NT5DC1: variants seen among roughly 807,000 people sequenced by gnomAD.
NT5DC1 encodes the protein 5'-nucleotidase domain-containing protein 1.
In NT5DC1, 42 loss-of-function variants were observed where a neutral mutation model predicts 59.4. That is an observed-to-expected ratio of 0.71 (90% confidence interval 0.55 to 0.92). The LOEUF is 0.92. Among genes scored for constraint, NT5DC1 ranks in the 40% least tolerant of loss-of-function variants. The probability of loss-of-function intolerance (pLI) is 0.00; values close to 1 mark genes in which losing one functional copy is unlikely to be tolerated. For missense variants in NT5DC1, 501 were observed against 537.1 expected, an observed-to-expected ratio of 0.93 and a Z score of 0.66; for synonymous variants, 172 against 188.1, an observed-to-expected ratio of 0.91 and a Z score of 0.70.
At chr6:116,106,650 T>C (rs1167044011) in intron 2 of NT5DC1, among the ~76,000 whole-genome samples, 2 of 152,240 alleles carry the variant, frequency 1.3e-5, no homozygotes, top group African/African-American at 2.4e-5. Flanking sequence ...TTCTAAAATT[T>C]GCATCTTTAA....
At position 116,221,215 on chromosome 6, in the gene NT5DC1, G is replaced by A. The variant is rs745988827; in HGVS notation, c.691G>A (p.Glu231Lys). 1.3e-5 allele frequency: 21 copies of A among 1,588,518 alleles called. No homozygotes were observed. In the African/African-American group the frequency reaches 1.9e-4, roughly 14 times the overall value. The change falls in exon 7 of 12, where the codon GAA becomes AAA. Residue 231 changes from glutamate (E) to lysine (K), a missense_variant. Glu to Lys is a moderately conservative substitution (Grantham distance 56). Transcript: ENST00000319550. Reference sequence around the variant, plus strand: ...CAGTGATTACTGTAGACTTCTCTGCGAATATATTCTTGGGTGAGTGATGAG... The same window carrying A: ...CAGTGATTACTGTAGACTTCTCTGCAAATATATTCTTGGGTGAGTGATGAG... ...SHSDYCRLLC[E>K]YILGNDFTDL...
At chr6:116,107,862 G>A (rs1778796719) in intron 2 of NT5DC1, among the ~76,000 whole-genome samples, 1 of 152,078 alleles carries the variant, frequency 6.6e-6, no homozygotes, top group African/African-American at 2.4e-5. Context: ...ATGAGCCACC[G>A]CGCCTGGCCA....
At chr6:116,178,064 T>C (rs1030439517) in intron 6 of NT5DC1, among the ~76,000 whole-genome samples, 10 of 107,436 alleles carry the variant, frequency 9.3e-5, no homozygotes, top group African/African-American at 4.4e-4. Context: ...TGTGTGTGTG[T>C]GTGTGTGTGT....
rs759211032 is a variant in NT5DC1 at position 116,120,849 on chromosome 6, G to T, written c.529+2904G>T. ...CCCTTTGCTCCTGCTGGGCCCACAGGGCCTGGGAGACCAGGAGGTCCTCCA... is the reference window on the plus strand; with the variant it reads ...CCCTTTGCTCCTGCTGGGCCCACAGTGCCTGGGAGACCAGGAGGTCCTCCA... On this transcript the variant is annotated intron_variant, in intron 6 of 11. Coordinates refer to ENST00000319550, the MANE Select transcript of NT5DC1 (RefSeq NM_152729.3). 5.6e-6 allele frequency: 9 copies of T among 1,614,004 alleles called. No individual in the cohort carries two copies. Among genetic ancestry groups the T allele is most frequent in the Non-Finnish European group, 7.6e-6 (9 of 1,179,956 alleles).
At chr6:116,122,048 G>A (rs1353244588) in intron 6 of NT5DC1, 52 of 1,125,674 alleles carry the variant, frequency 4.6e-5, no homozygotes, top group Non-Finnish European at 4.5e-5. Flanking sequence ...CTATGAATTG[G>A]GACACGATAT....
At chr6:116,239,379 C>T (rs1379734228) in intron 11 of NT5DC1, among the ~76,000 whole-genome samples, 1 of 151,984 alleles carries the variant, frequency 6.6e-6, no homozygotes, top group African/African-American at 2.4e-5. Context: ...GGACAAGCTG[C>T]TGAGGAGGCC....
At chr6:116,175,064 G>C (rs907576093) in intron 6 of NT5DC1, among the ~76,000 whole-genome samples, 2 of 151,898 alleles carry the variant, frequency 1.3e-5, no homozygotes, top group Non-Finnish European at 2.9e-5. Context: ...AAGGAATTAG[G>C]CTTATTAACT....
At chr6:116,188,046 G>A (rs537595781) in intron 6 of NT5DC1, among the ~76,000 whole-genome samples, 5 of 151,958 alleles carry the variant, frequency 3.3e-5, no homozygotes, top group African/African-American at 7.2e-5. Flanking sequence ...GTCTTGACAG[G>A]CAGTTTACAA....
At chr6:116,241,936 AAAC>A (rs1562178957) in intron 11 of NT5DC1, among the ~76,000 whole-genome samples, 2 of 18,804 alleles carry the variant, frequency 1.1e-4, no homozygotes, top group East Asian at 0.014. Context: ...AAAAAAAAAA[AAAC>A]AAAACAAAAA....
At position 116,248,900 on chromosome 6, in the gene NT5DC1, AAACAG is replaced by A. The variant is rs1380477905; in HGVS notation, c.*4884_*4888del. 2.0e-5 allele frequency: 3 copies of A among 152,286 alleles called. No homozygotes were observed. The highest frequency in any genetic ancestry group is 7.2e-5 in the African/African-American group (3 of 41,478). 9.4% of individuals were successfully genotyped at this position (152,286 alleles called of 1,614,324 possible). A position where few individuals can be genotyped will look rare whatever the true frequency, so the allele number is the denominator to read the frequency against. ...ATTTAATGACTAATTTTATTAGGCT[AAACAG>A]AACAGAAACCATGCTAATCTGTAAC... On this transcript the variant is annotated 3_prime_UTR_variant, in exon 12 of 12. Transcript: ENST00000319550.
intron 6 of NT5DC1, among the ~76,000 whole-genome samples, chr6:116,140,352 G>A (rs1779736224): frequency 6.6e-6 from 1 of 151,882 alleles, no homozygotes; most frequent in African/African-American, 2.4e-5. Context: ...TGCTCTTCTG[G>A]GCACATCACA....
chr6:116,189,654 T>A (rs1226835725), intron 6 of NT5DC1, among the ~76,000 whole-genome samples: 1 of 151,948 alleles, frequency 6.6e-6, no homozygotes, highest in Non-Finnish European at 1.5e-5. Flanking sequence ...TTTCTATTTT[T>A]AAAAGGCCCT....
chr6:116,108,120 A>G (rs1282557562), intron 2 of NT5DC1, among the ~76,000 whole-genome samples: 1 of 152,224 alleles, frequency 6.6e-6, no homozygotes, highest in Non-Finnish European at 1.5e-5. Context: ...TGAAAAGCCT[A>G]AAGATTTTAC....
At chr6:116,132,742 A>G (rs1779501643) in intron 6 of NT5DC1, among the ~76,000 whole-genome samples, 1 of 152,164 alleles carries the variant, frequency 6.6e-6, no homozygotes, top group East Asian at 1.9e-4. Flanking sequence ...CTGTTCTGGC[A>G]GGATACTGAC....
At chr6:116,204,589 A>G (rs75808522) in intron 6 of NT5DC1, among the ~76,000 whole-genome samples, 5,881 of 152,090 alleles carry the variant, frequency 0.039, 155 homozygotes, top group South Asian at 0.073. Context: ...AAACGCAGAT[A>G]TGCAATGAGC....
At chr6:116,101,872 T>C (rs564729521) in intron 1 of NT5DC1, among the ~76,000 whole-genome samples, 28 of 152,320 alleles carry the variant, frequency 1.8e-4, no homozygotes, top group African/African-American at 6.0e-4. Context: ...GAAAAAGAGC[T>C]GGTTATGAGT....
intron 6 of NT5DC1, among the ~76,000 whole-genome samples, chr6:116,186,682 A>G (rs1435212891): frequency 6.6e-6 from 1 of 152,032 alleles, no homozygotes; most frequent in Non-Finnish European, 1.5e-5. Context: ...GCGAGTTTCC[A>G]GTGCATTTTG....
At chr6:116,229,739 T>C (rs971453293) in intron 8 of NT5DC1, among the ~76,000 whole-genome samples, 1 of 152,156 alleles carries the variant, frequency 6.6e-6, no homozygotes, top group African/African-American at 2.4e-5. Flanking sequence ...GCTAGCTCAG[T>C]TCCTGCCCCT....
At chr6:116,210,353 TA>T (rs914331237) in intron 6 of NT5DC1, among the ~76,000 whole-genome samples, 19 of 149,374 alleles carry the variant, frequency 1.3e-4, no homozygotes, top group African/African-American at 4.1e-4. Flanking sequence ...TGAAATGTAA[TA>T]ATGTACCATG....
Sources: gnomAD v4.1 joint callset for allele counts (sites outside exome capture counted in the v4.1 genomes callset) on GRCh38, gnomAD v4.1.1 for gene constraint, MANE v1.5 for transcripts, NCBI Gene and HGNC (gene_info 2026-07-23, HGNC 2026-07-21) for gene names.